The following UGGT2 variants were observed in gnomAD, a reference collection of about 807,000 sequenced individuals.
The protein encoded by UGGT2 is UDP-glucose glycoprotein glucosyltransferase 2, also known as UDP-glucose:glycoprotein glucosyltransferase 2.
In UGGT2, 180 loss-of-function variants were observed where a neutral mutation model predicts 192.1. The ratio of observed to expected loss-of-function variants is 0.94; its 90% confidence interval spans 0.83 to 1.06. The LOEUF is 1.06. Among genes scored for constraint, UGGT2 ranks in the 50% least tolerant of loss-of-function variants. UGGT2 has a pLI of 0.00. For synonymous variants in UGGT2, 580 were observed against 591.0 expected (o/e 0.98, Z 0.27); for missense variants, 1,849 against 1,795.7 (o/e 1.03, Z -0.54).
chr13:96,023,215 C>T, intron 3 of UGGT2, 63 bp from the exon 4 acceptor site: 1 of 1,355,192 alleles, frequency 7.4e-7, no homozygotes, highest in Non-Finnish European at 1.0e-6. Flanking sequence ...TTTTAAAACC[C>T]TCACACATTA....
intron 27 of UGGT2, among the ~76,000 whole-genome samples, chr13:95,883,320 A>C (rs2047546743): frequency 6.6e-6 from 1 of 152,230 alleles, no homozygotes; most frequent in South Asian, 2.1e-4. Flanking sequence ...GCTATATTCT[A>C]CAGGAGGTAT....
chr13:96,045,008 C>T lies in UGGT2; in HGVS notation c.158+8147G>A, dbSNP rs187971083. On this transcript the variant is annotated intron_variant, in intron 1 of 38. Transcript: ENST00000376747. ...ATCATTCTATGAAGCCAGTATCATC[C>T]GAATACCAAAACCAGGAAAAAAACA... 3.9e-4 allele frequency among the ~76,000 whole-genome samples: 59 copies of T among 152,082 alleles called. 3 individuals carry two copies. In the East Asian group the frequency reaches 4.4e-3, roughly 11 times the overall value.
At position 95,927,030 on chromosome 13, in the gene UGGT2, T is replaced by C; in HGVS notation, c.2198A>G (p.Asp733Gly). The change falls in exon 19 of 39, where the codon GAC (aspartate) becomes GGC (glycine). Residue 733 changes from aspartate (D) to glycine (G), a missense_variant and splice_region_variant. Asp to Gly is a moderately conservative substitution (Grantham distance 94). Transcript: ENST00000376747. ...GGTAAATAAAATATGCTTATTACCG[T>C]CTTGGGTTAAATAATACATGTTCTT... ...IAKNMYYLTQ[D>G]DESIISAVTL... 1 of 1,601,376 alleles carries C rather than the reference T, an allele frequency of 6.2e-7. No individual in the cohort carries two copies. Among genetic ancestry groups the C allele is most frequent in the Non-Finnish European group, 8.5e-7 (1 of 1,175,942 alleles).
intron 16 of UGGT2, among the ~76,000 whole-genome samples, chr13:95,938,829 A>G (rs1427615085): frequency 1.3e-5 from 2 of 151,952 alleles, no homozygotes; most frequent in African/African-American, 4.8e-5. Context: ...AAATAATTCA[A>G]ATATGTCCAT....
intron 27 of UGGT2, among the ~76,000 whole-genome samples, chr13:95,878,712 T>C (rs2047411133): frequency 1.3e-5 from 2 of 152,228 alleles, no homozygotes; most frequent in South Asian, 4.1e-4. Context: ...TTTCACCATA[T>C]TAGGTTTTCA....
intron 29 of UGGT2, among the ~76,000 whole-genome samples, chr13:95,869,610 A>G (rs1021010075): frequency 6.6e-6 from 1 of 152,166 alleles, no homozygotes; most frequent in Non-Finnish European, 1.5e-5. Context: ...GGAAAGTACA[A>G]TTATTATCCT....
chr13:95,948,682 T>G, intron 13 of UGGT2, among the ~76,000 whole-genome samples: 1 of 152,186 alleles, frequency 6.6e-6, no homozygotes, highest in African/African-American at 2.4e-5. Context: ...ATTAGTTCTT[T>G]TTAATAAAGA....
intron 36 of UGGT2, among the ~76,000 whole-genome samples, chr13:95,847,270 A>G (rs1594136638): frequency 2.0e-5 from 3 of 152,132 alleles, no homozygotes; most frequent in African/African-American, 4.8e-5. Context: ...CACCAAAGTG[A>G]TATGTTTGTT....
Position 95,988,241 on chromosome 13 carries a change from T to C in UGGT2, c.931+1732A>G, listed in dbSNP as rs560305141. ...AAGTCCCTTTATTAAACTTTTTAGT[T>C]TGTGTGTGCCAACATTTTCCTGTGG... On this transcript the variant is annotated intron_variant, in intron 8 of 38. Transcript: ENST00000376747. Among the ~76,000 whole-genome samples the C allele has an allele frequency of 1.6e-4, 24 of 152,278 alleles. No individual in the cohort carries two copies. The East Asian group carries it at 4.1e-3, about 26-fold the overall frequency.
At chr13:96,050,878 TTGG>T (rs1466748418) in intron 1 of UGGT2, among the ~76,000 whole-genome samples, 1 of 152,214 alleles carries the variant, frequency 6.6e-6, no homozygotes, top group African/African-American at 2.4e-5. Context: ...TTTTACACTG[TTGG>T]TGGGACTGTA....
chr13:95,946,932 G>C, intron 15 of UGGT2, 105 bp downstream of exon 15: 1 of 1,220,614 alleles, frequency 8.2e-7, no homozygotes, highest in East Asian at 2.6e-5. Context: ...ACTTTGAAAT[G>C]TTACAATAAA....
intron 10 of UGGT2, 200 bp downstream of exon 10, chr13:95,983,604 T>G (rs2051196764): frequency 1.6e-6 from 1 of 643,264 alleles, no homozygotes; most frequent in African/African-American, 1.8e-5. Flanking sequence ...TACTGTGAAA[T>G]AAGTAGAAGG....
chr13:95,999,248 A>C lies in UGGT2; in HGVS notation c.720T>G (p.Ser240Arg). The change falls in exon 6 of 39, where the codon AGT becomes AGG. Residue 240 changes from serine (S) to arginine (R), a missense_variant. Ser to Arg is a moderately radical substitution (Grantham distance 110, BLOSUM62 -1). Transcript: ENST00000376747. ...SGYGVELAIKSTEYKALDDTQ... is the reference protein window; with the variant it reads ...SGYGVELAIKRTEYKALDDTQ... ...TATCATCCAGTGCTTTGTATTCTGT[A>C]CTCTTAATTGCTAGCTCCACACCAT... 6.2e-7 allele frequency: 1 copy of C among 1,613,582 alleles called. No individual in the cohort carries two copies. The highest frequency in any genetic ancestry group is 8.5e-7 in the Non-Finnish European group (1 of 1,179,724).
Position 95,853,559 on chromosome 13 carries a change from A to C in UGGT2, c.4268T>G (p.Leu1423Arg). ...YQALSQDPNS[L>R]SNLDQDLPNN... Reference sequence around the variant, plus strand: ...TTTACTTACCTGATCTAGGTTTGAAAGACTGTTTGGATCTTGACTGAGAGC... The same window carrying C: ...TTTACTTACCTGATCTAGGTTTGAACGACTGTTTGGATCTTGACTGAGAGC... Residue 1423 changes from leucine (L) to arginine (R), a missense_variant, in exon 36 of 39, where the codon CTT becomes CGT. Transcript: ENST00000376747. 1 of 1,613,254 alleles carries C rather than the reference A, an allele frequency of 6.2e-7. No homozygotes were observed. The highest frequency in any genetic ancestry group is 8.5e-7 in the Non-Finnish European group (1 of 1,179,614).
intron 20 of UGGT2, among the ~76,000 whole-genome samples, chr13:95,917,115 A>C (rs2048704686): frequency 6.6e-6 from 1 of 152,160 alleles, no homozygotes; most frequent in Non-Finnish European, 1.5e-5. Context: ...CCAAGGTTGA[A>C]ATGAAAGAAG....
At chr13:95,836,302 G>A (rs540713367) in intron 37 of UGGT2, among the ~76,000 whole-genome samples, 1 of 152,080 alleles carries the variant, frequency 6.6e-6, no homozygotes, top group Non-Finnish European at 1.5e-5. Context: ...CACCTGCCTC[G>A]GCCTCTTAAA....
Position 95,854,439 on chromosome 13 carries a change from C to G in UGGT2, c.4045G>C (p.Asp1349His), listed in dbSNP as rs528860155. The G allele has an allele frequency of 7.9e-5, 127 of 1,610,690 alleles. 1 individual carries two copies. In the South Asian group the frequency reaches 1.4e-3, roughly 17 times the overall value. ...TACCCATAAGGAGCTCCATCCAGAT[C>G]GAAATCTCGAAGTTCTTTTAGATCA... Reference protein sequence around the residue: ...RHDLKELRDFDLDGAPYGYTP... With the variant: ...RHDLKELRDFHLDGAPYGYTP... Residue 1349 changes from aspartate to histidine, a missense_variant, in exon 35 of 39, where the codon GAT (aspartate) becomes CAT (histidine). Coordinates refer to ENST00000376747, the MANE Select transcript of UGGT2 (RefSeq NM_020121.4).
rs1404449813 is a variant in UGGT2 at position 96,053,359 on chromosome 13, C to T, written c.-47G>A. 6.4e-7 allele frequency: 1 copy of T among 1,551,364 alleles called. No individual in the cohort carries two copies. The highest frequency in any genetic ancestry group is 1.4e-5 in the African/African-American group (1 of 71,106). The stretch of plus-strand genomic sequence containing the variant: ...GTCCCTCGGACCCGGTACCCACAGT[C>T]TGTGGCCGCCACGCTTCGGCCGGCT... On this transcript the variant is annotated 5_prime_UTR_variant, in exon 1 of 39. Transcript: ENST00000376747.
Position 95,895,307 on chromosome 13 carries a change from TAAAATA to T in UGGT2, c.2635-9_2635-4del. On this transcript the variant is annotated splice_region_variant and splice_polypyrimidine_tract_variant and intron_variant, in intron 22 of 38. Coordinates refer to ENST00000376747, the MANE Select transcript of UGGT2 (RefSeq NM_020121.4). ...TCTTCATCTAAAGGTCCTAAGAACT[TAAAATA>T]AAAACAGTTATATTATCATATATCT... is the stretch of plus-strand genomic sequence containing the variant. 1 of 1,412,958 alleles carries T rather than the reference TAAAATA, an allele frequency of 7.1e-7. No homozygotes were observed. Among genetic ancestry groups the T allele is most frequent in the Non-Finnish European group, 9.6e-7 (1 of 1,036,732 alleles). 87.5% of individuals were successfully genotyped at this position (1,412,958 alleles called of 1,614,324 possible).
Sources: allele counts gnomAD v4.1 joint callset (sites outside exome capture counted in the v4.1 genomes callset), GRCh38; gene constraint gnomAD v4.1.1; transcripts MANE v1.5; gene names NCBI Gene and HGNC (gene_info 2026-07-23, HGNC 2026-07-21).